The following NBEAL1 variants were observed in gnomAD, a reference collection of about 807,000 sequenced individuals.
The protein encoded by NBEAL1 is neurobeachin-like protein 1.
In NBEAL1, 273 loss-of-function variants were observed where a neutral mutation model predicts 351.3. The observed-to-expected ratio is 0.78, with a 90% confidence interval of 0.70 to 0.86. The LOEUF is 0.86. Among genes scored for constraint, NBEAL1 ranks in the 40% least tolerant of loss-of-function variants. The pLI is 0.00. For missense variants in NBEAL1, 2,961 were observed against 3,201.3 expected (o/e 0.92, Z 1.81); for synonymous variants, 1,050 against 1,086.4 (o/e 0.97, Z 0.66).
At chr2:203,038,130 T>A (rs975930401) in intron 2 of NBEAL1, among the ~76,000 whole-genome samples, 1 of 149,502 alleles carries the variant, frequency 6.7e-6, no homozygotes, top group Non-Finnish European at 1.5e-5. Context: ...CAACGATTTG[T>A]TTATCCGTTA....
At chr2:203,140,273 A>C (rs1310515134) in intron 31 of NBEAL1, among the ~76,000 whole-genome samples, 2 of 151,830 alleles carry the variant, frequency 1.3e-5, no homozygotes, top group East Asian at 3.9e-4. Context: ...ATTGCACTCC[A>C]GCCTGGGCAA....
In NBEAL1 at chr2:203,183,353, G is replaced by A. The variant is rs749695590; in HGVS notation, c.6670G>A (p.Ala2224Thr). 1.9e-6 allele frequency: 3 copies of A among 1,595,570 alleles called. No homozygotes were observed. The highest frequency in any genetic ancestry group is 2.6e-6 in the Non-Finnish European group (3 of 1,171,034). ...CATTCTCCCGAAATGGGCTAAATCA[G>A]CTGAAGATTTCATCTATAAACATAG... is the stretch of plus-strand genomic sequence containing the variant. ...DVILPKWAKS[A>T]EDFIYKHRKA... Residue 2224 changes from alanine to threonine, a missense_variant, in exon 44 of 56, where the codon GCT becomes ACT. Ala to Thr is a moderately conservative substitution (Grantham distance 58, BLOSUM62 0). Transcript: ENST00000683969.
intron 42 of NBEAL1, 78 bp from the exon 43 acceptor site, chr2:203,180,304 G>A: frequency 7.5e-7 from 1 of 1,340,904 alleles, no homozygotes; most frequent in Middle Eastern, 2.4e-4. Context: ...GAACCCTGAA[G>A]GGAGTTTAAA....
intron 54 of NBEAL1, 95 bp downstream of exon 54, chr2:203,211,201 G>C: frequency 2.2e-6 from 2 of 927,718 alleles, no homozygotes; most frequent in Non-Finnish European, 1.5e-6. Flanking sequence ...TTAATCTTTT[G>C]GTTTATCATT....
At chr2:203,023,428 T>TAAAC (rs2060800219) in intron 2 of NBEAL1, among the ~76,000 whole-genome samples, 1 of 152,230 alleles carries the variant, frequency 6.6e-6, no homozygotes, top group Non-Finnish European at 1.5e-5. Context: ...AAATGTATAG[T>TAAAC]TTATATCAGT....
At chr2:203,139,255 A>G (rs1245073817) in intron 31 of NBEAL1, among the ~76,000 whole-genome samples, 1 of 152,118 alleles carries the variant, frequency 6.6e-6, no homozygotes. Context: ...ATTGGTCACA[A>G]GGAATATTTA....
intron 52 of NBEAL1, 102 bp from the exon 53 acceptor site, chr2:203,209,059 G>C: frequency 1.1e-6 from 1 of 912,940 alleles, no homozygotes; most frequent in Non-Finnish European, 1.7e-6. Context: ...TCATTTTCTT[G>C]GTTCCTTTCC....
At chr2:203,024,349 G>A (rs2060820134) in intron 2 of NBEAL1, among the ~76,000 whole-genome samples, 1 of 152,076 alleles carries the variant, frequency 6.6e-6, no homozygotes, top group Non-Finnish European at 1.5e-5. Context: ...TTTGAGGTCA[G>A]GAGTTTGAGA....
chr2:203,089,418 T>C (rs952357354), intron 10 of NBEAL1, among the ~76,000 whole-genome samples: 3 of 150,488 alleles, frequency 2.0e-5, no homozygotes, highest in African/African-American at 7.3e-5. Flanking sequence ...GCAGAAAAGA[T>C]GTCAAAGATG....
intron 38 of NBEAL1, among the ~76,000 whole-genome samples, chr2:203,168,927 A>T (rs1260338961): frequency 6.8e-6 from 1 of 146,982 alleles, no homozygotes; most frequent in Non-Finnish European, 1.5e-5. Context: ...AATTTCCATT[A>T]TTCCTTTTTT....
intron 17 of NBEAL1, among the ~76,000 whole-genome samples, chr2:203,113,567 A>T (rs2062621080): frequency 6.6e-6 from 1 of 152,036 alleles, no homozygotes; most frequent in Non-Finnish European, 1.5e-5. Flanking sequence ...CATCCATAAT[A>T]CTGCCTGTAT....
intron 3 of NBEAL1, among the ~76,000 whole-genome samples, chr2:203,044,476 AGTT>A (rs1341367045): frequency 6.6e-6 from 1 of 152,178 alleles, no homozygotes; most frequent in Middle Eastern, 3.2e-3. Flanking sequence ...TCTAAGGTGC[AGTT>A]GTTATCATCC....
At chr2:203,202,052 T>A (rs1273527642) in intron 50 of NBEAL1, among the ~76,000 whole-genome samples, 1 of 152,220 alleles carries the variant, frequency 6.6e-6, no homozygotes, top group Non-Finnish European at 1.5e-5. Flanking sequence ...TCTATTACTT[T>A]GTTAACAGTT....
At chr2:203,127,960 ACTTTTC>A (rs1328493924) in intron 24 of NBEAL1, 23 bp downstream of exon 24, 4 of 1,528,848 alleles carry the variant, frequency 2.6e-6, no homozygotes, top group South Asian at 2.5e-5. Context: ...AGATACATCT[ACTTTTC>A]CTTTTTAACA....
intron 8 of NBEAL1, among the ~76,000 whole-genome samples, chr2:203,079,158 C>A (rs1368251572): frequency 1.3e-5 from 2 of 152,176 alleles, no homozygotes; most frequent in African/African-American, 4.8e-5. Context: ...TGGCTCACTG[C>A]AGCCTTGGCC....
chr2:203,083,615 A>G lies in NBEAL1; in HGVS notation c.991+90A>G, dbSNP rs544541953. On this transcript the variant is annotated intron_variant, in intron 9 of 55. Coordinates refer to ENST00000683969, the MANE Select transcript of NBEAL1 (RefSeq NM_001378026.1). ...TTTGAAATACAAGGCCATTGTATGG[A>G]AAGTATTGATTGTTTAATTCAGATA... is the stretch of plus-strand genomic sequence containing the variant. The G allele has an allele frequency of 2.7e-5, 27 of 1,007,914 alleles. No homozygotes were observed. The Admixed American group carries it at 5.0e-4, about 19-fold the overall frequency. The allele number at this position is 1,007,914 out of a possible 1,614,324, so 62.4% of individuals were successfully genotyped here.
intron 12 of NBEAL1, among the ~76,000 whole-genome samples, chr2:203,101,154 T>C (rs985262555): frequency 6.6e-6 from 1 of 152,198 alleles, no homozygotes; most frequent in African/African-American, 2.4e-5. Context: ...CATTTAAGTC[T>C]AATCCATCTT....
intron 44 of NBEAL1, among the ~76,000 whole-genome samples, chr2:203,184,634 T>G (rs958864659): frequency 6.6e-6 from 1 of 151,888 alleles, no homozygotes; most frequent in Non-Finnish European, 1.5e-5. Flanking sequence ...ATTAAGCCAG[T>G]ACTTGGAAAC....
At chr2:203,067,208 A>C (rs1272590022) in intron 6 of NBEAL1, among the ~76,000 whole-genome samples, 2 of 152,258 alleles carry the variant, frequency 1.3e-5, no homozygotes, top group Admixed American at 6.5e-5. Flanking sequence ...ACTGTTACAA[A>C]GACATGAAAA....
Sources: gnomAD v4.1 joint callset for allele counts (sites outside exome capture counted in the v4.1 genomes callset) on GRCh38, gnomAD v4.1.1 for gene constraint, MANE v1.5 for transcripts, NCBI Gene and HGNC (gene_info 2026-07-23, HGNC 2026-07-21) for gene names.